THSD7B: variants seen among roughly 807,000 people sequenced by gnomAD.
THSD7B encodes the protein thrombospondin type-1 domain-containing protein 7B.
THSD7B carries 138 observed loss-of-function variants against 213.6 expected under a neutral mutation model. That is an observed-to-expected ratio of 0.65 (90% CI 0.56 to 0.74). The LOEUF is 0.74. Ranked by LOEUF, THSD7B falls within the 30% of genes least tolerant of loss-of-function variation. The pLI, the probability that THSD7B is intolerant of heterozygous loss-of-function variation, is 0.00. For synonymous variants in THSD7B, 742 were observed against 687.0 expected (o/e 1.08, Z -1.25); for missense variants, 1,931 against 1,991.5 (o/e 0.97, Z 0.58).
At chr2:137,173,900 C>A (rs1170323824) in intron 7 of THSD7B, among the ~76,000 whole-genome samples, 1 of 152,096 alleles carries the variant, frequency 6.6e-6, no homozygotes, top group Non-Finnish European at 1.5e-5. Context: ...AATTTAAATG[C>A]CTGGAGAATG....
At chr2:136,820,385 C>A (rs1682547020) in intron 1 of THSD7B, among the ~76,000 whole-genome samples, 2 of 152,158 alleles carry the variant, frequency 1.3e-5, no homozygotes, top group African/African-American at 2.4e-5. Flanking sequence ...GAAACAAAGC[C>A]ATATCACCTG....
intron 12 of THSD7B, among the ~76,000 whole-genome samples, chr2:137,368,046 C>G (rs989785483): frequency 3.7e-5 from 1 of 27,370 alleles, no homozygotes; most frequent in African/African-American, 5.0e-5. Context: ...TTTTGTAGTT[C>G]AAGACTAAAG....
chr2:137,138,100 C>T (rs1380149657), intron 5 of THSD7B, among the ~76,000 whole-genome samples: 1 of 151,986 alleles, frequency 6.6e-6, no homozygotes, highest in Non-Finnish European at 1.5e-5. Flanking sequence ...CATTATGTTG[C>T]CCCGGCTGGT....
intron 7 of THSD7B, among the ~76,000 whole-genome samples, chr2:137,189,238 G>A (rs191079726): frequency 5.1e-4 from 78 of 152,288 alleles, no homozygotes; most frequent in African/African-American, 1.8e-3. Flanking sequence ...CACCAGAAGT[G>A]AGGGTTCGTA....
At chr2:136,799,851 C>T (rs1180578186) in intron 1 of THSD7B, among the ~76,000 whole-genome samples, 1 of 151,912 alleles carries the variant, frequency 6.6e-6, no homozygotes, top group Non-Finnish European at 1.5e-5. Context: ...TCAAGGGCAT[C>T]TCCATTGTTC....
intron 15 of THSD7B, among the ~76,000 whole-genome samples, chr2:137,537,898 G>T (rs1406730315): frequency 6.6e-6 from 1 of 151,682 alleles, no homozygotes; most frequent in Non-Finnish European, 1.5e-5. Context: ...GGAGCACACA[G>T]TCTAGTTTTA....
At chr2:137,053,661 G>A (rs543993510) in intron 2 of THSD7B, among the ~76,000 whole-genome samples, 1 of 151,992 alleles carries the variant, frequency 6.6e-6, no homozygotes, top group Non-Finnish European at 1.5e-5. Context: ...TGAATTAAGT[G>A]TAATATTAAC....
intron 24 of THSD7B, among the ~76,000 whole-genome samples, chr2:137,657,681 A>T (rs894089971): frequency 2.6e-5 from 4 of 152,216 alleles, no homozygotes; most frequent in African/African-American, 9.6e-5. Context: ...ATATTTTGTG[A>T]GTCATGATTA....
intron 14 of THSD7B, among the ~76,000 whole-genome samples, chr2:137,446,000 G>A (rs374120378): frequency 1.3e-4 from 19 of 150,510 alleles, no homozygotes; most frequent in South Asian, 1.3e-3. Flanking sequence ...AGATTCTCCC[G>A]GATCTTAGCT....
At chr2:137,548,126 C>T (rs1036670773) in intron 15 of THSD7B, among the ~76,000 whole-genome samples, 1 of 151,978 alleles carries the variant, frequency 6.6e-6, no homozygotes, top group Non-Finnish European at 1.5e-5. Flanking sequence ...TTTGCAAATA[C>T]CCATGCGTTT....
intron 12 of THSD7B, among the ~76,000 whole-genome samples, chr2:137,282,510 T>C (rs941715870): frequency 1.3e-5 from 2 of 152,190 alleles, no homozygotes; most frequent in Admixed American, 1.3e-4. Flanking sequence ...ATTGCCTAGG[T>C]TTTTTTCTAG....
rs1190547352 is a variant in THSD7B at position 137,333,711 on chromosome 2, C to T, written c.2500+57685C>T. Among the ~76,000 whole-genome samples, 8 of 152,226 alleles carry T rather than the reference C, an allele frequency of 5.3e-5. No individual in the cohort carries two copies. The East Asian group carries it at 1.2e-3, about 22-fold the overall frequency. On this transcript the variant is annotated intron_variant, in intron 12 of 27. Coordinates refer to ENST00000409968, the MANE Select transcript of THSD7B (RefSeq NM_001316349.2). The stretch of plus-strand genomic sequence containing the variant: ...TGGATTAATCTTCTGATGCCCCAGG[C>T]ACTTTCTCTTCACTCCCTGCCCTTA...
chr2:137,063,505 A>C (rs971742425), intron 3 of THSD7B, among the ~76,000 whole-genome samples: 8 of 152,080 alleles, frequency 5.3e-5, no homozygotes, highest in African/African-American at 1.9e-4. Flanking sequence ...TTATCACCTC[A>C]AGCATTTATC....
At chr2:137,116,181 C>G (rs1223727076) in intron 5 of THSD7B, among the ~76,000 whole-genome samples, 5 of 152,164 alleles carry the variant, frequency 3.3e-5, no homozygotes, top group Admixed American at 3.3e-4. Flanking sequence ...AGTTCATAGG[C>G]ATCTGTGACC....
At chr2:137,303,672 TAATATATATATTTATATATA>T in intron 12 of THSD7B, among the ~76,000 whole-genome samples, 1 of 112,926 alleles carries the variant, frequency 8.9e-6, no homozygotes, top group East Asian at 2.4e-4. Flanking sequence ...TTATATATAT[TAATATATATATTTATATATA>T]TTTATATATA....
intron 1 of THSD7B, among the ~76,000 whole-genome samples, chr2:136,817,127 G>T (rs147421180): frequency 6.6e-6 from 1 of 152,138 alleles, no homozygotes; most frequent in South Asian, 2.1e-4. Context: ...CATGCTGACC[G>T]GATGTAATTT....
chr2:136,927,631 T>G (rs1474493795), intron 2 of THSD7B, among the ~76,000 whole-genome samples: 11 of 152,226 alleles, frequency 7.2e-5, no homozygotes, highest in Admixed American at 6.5e-4. Context: ...AACAGGTGTT[T>G]CCTTCTGAGA....
At chr2:136,970,439 A>G (rs992994168) in intron 2 of THSD7B, among the ~76,000 whole-genome samples, 1 of 151,068 alleles carries the variant, frequency 6.6e-6, no homozygotes, top group Non-Finnish European at 1.5e-5. Context: ...GTACTCAGCC[A>G]GGGAGACAGA....
At chr2:137,518,065 C>T (rs1386112615) in intron 15 of THSD7B, among the ~76,000 whole-genome samples, 1 of 151,942 alleles carries the variant, frequency 6.6e-6, no homozygotes, top group South Asian at 2.1e-4. Context: ...GGTTGGGCTC[C>T]CAATCACATA....
Sources: gnomAD v4.1 joint callset for allele counts (sites outside exome capture counted in the v4.1 genomes callset) on GRCh38, gnomAD v4.1.1 for gene constraint, MANE v1.5 for transcripts, NCBI Gene and HGNC (gene_info 2026-07-23, HGNC 2026-07-21) for gene names.